SAMMSON: variants seen among roughly 807,000 people sequenced by gnomAD.
The protein encoded by SAMMSON is long intergenic non-protein coding RNA 1212.
chr3:70,011,530 G>T (rs2066955621), intron 1 of SAMMSON, among the ~76,000 whole-genome samples: 1 of 151,460 alleles, frequency 6.6e-6, no homozygotes, highest in African/African-American at 2.4e-5. Flanking sequence ...ACCCCTGAGT[G>T]CTTTCATTTA....
At position 70,095,690 on chromosome 3, in the gene SAMMSON, A is replaced by G. The variant is rs909870888; in HGVS notation, n.507+24125A>G. On this transcript the variant is annotated intron_variant and non_coding_transcript_variant, in intron 4 of 9. Transcript: ENST00000642114. ...AATATAGACAGTAATGGTTCTTAGGAGTTGTTTTGAGGGTTAAATAAGAAA... is the reference window on the plus strand; with the variant it reads ...AATATAGACAGTAATGGTTCTTAGGGGTTGTTTTGAGGGTTAAATAAGAAA... Among the ~76,000 whole-genome samples the G allele has an allele frequency of 7.9e-5, 12 of 152,048 alleles. 1 individual carries two copies.
chr3:70,119,840 GTAAC>G (rs1359911112), intron 4 of SAMMSON, among the ~76,000 whole-genome samples: 1 of 152,090 alleles, frequency 6.6e-6, no homozygotes, highest in Admixed American at 6.5e-5. Context: ...GCATATATAT[GTAAC>G]TAATACAAAC....
chr3:70,010,473 T>A (rs1412123561), intron 1 of SAMMSON, among the ~76,000 whole-genome samples: 2 of 152,186 alleles, frequency 1.3e-5, no homozygotes, highest in African/African-American at 4.8e-5. Flanking sequence ...TCTGCCTGTT[T>A]TTGTTTTCCT....
chr3:70,357,141 C>T (rs1258165660), intron 8 of SAMMSON, among the ~76,000 whole-genome samples: 8 of 152,022 alleles, frequency 5.3e-5, no homozygotes, highest in African/African-American at 7.2e-5. Context: ...TTTTAGGATG[C>T]ATTCTAATGG....
At chr3:70,161,744 T>C (rs2067616442) in intron 4 of SAMMSON, among the ~76,000 whole-genome samples, 1 of 152,028 alleles carries the variant, frequency 6.6e-6, no homozygotes, top group Non-Finnish European at 1.5e-5. Context: ...AGAGTATTGA[T>C]ATTATTGCTC....
chr3:70,126,780 G>A, intron 4 of SAMMSON: 1 of 192,302 alleles, frequency 5.2e-6, no homozygotes, highest in South Asian at 1.0e-4. Flanking sequence ...CAGTGGCACA[G>A]TCTCTACACA....
At chr3:70,174,330 A>G (rs1469010829) in intron 4 of SAMMSON, among the ~76,000 whole-genome samples, 1 of 152,000 alleles carries the variant, frequency 6.6e-6, no homozygotes, top group Non-Finnish European at 1.5e-5. Context: ...ATGTTGATAT[A>G]TTTTTAAGTA....
intron 4 of SAMMSON, among the ~76,000 whole-genome samples, chr3:70,132,780 A>G (rs1362606186): frequency 1.8e-5 from 2 of 113,010 alleles, no homozygotes; most frequent in East Asian, 4.7e-4. Context: ...TAAAAAAAAA[A>G]AAAAGAAAAG....
chr3:70,051,083 C>T (rs959086203), intron 3 of SAMMSON, among the ~76,000 whole-genome samples: 1 of 121,090 alleles, frequency 8.3e-6, no homozygotes, highest in Admixed American at 1.1e-4. Context: ...TGGAGTGAGC[C>T]AAGATTGCAC....
intron 3 of SAMMSON, among the ~76,000 whole-genome samples, chr3:70,017,831 A>C (rs1040212880): frequency 6.6e-6 from 1 of 152,100 alleles, no homozygotes; most frequent in African/African-American, 2.4e-5. Flanking sequence ...TTCTTCATCT[A>C]TTGAGATAAT....
chr3:70,160,312 T>C (rs1316707975), intron 4 of SAMMSON, among the ~76,000 whole-genome samples: 2 of 152,082 alleles, frequency 1.3e-5, no homozygotes, highest in East Asian at 3.9e-4. Flanking sequence ...ATTGAGATAA[T>C]ATTTGCATGT....
intron 4 of SAMMSON, among the ~76,000 whole-genome samples, chr3:70,227,699 T>C (rs1210986008): frequency 6.6e-6 from 1 of 152,208 alleles, no homozygotes; most frequent in Non-Finnish European, 1.5e-5. Flanking sequence ...TGCCAGATAG[T>C]GTTCTGAGGC....
chr3:70,300,289 A>T (rs1401304229), intron 7 of SAMMSON, among the ~76,000 whole-genome samples: 1 of 152,118 alleles, frequency 6.6e-6, no homozygotes, highest in Non-Finnish European at 1.5e-5. Flanking sequence ...CTTTATTTAA[A>T]TCTATTGATT....
chr3:70,047,640 T>TTCAAA (rs1378943114), intron 3 of SAMMSON, among the ~76,000 whole-genome samples: 1 of 152,092 alleles, frequency 6.6e-6, no homozygotes, highest in African/African-American at 2.4e-5. Flanking sequence ...CTCAAGTATC[T>TTCAAA]TCAAATTGTG....
intron 4 of SAMMSON, among the ~76,000 whole-genome samples, chr3:70,151,525 G>A (rs1296092822): frequency 2.0e-5 from 3 of 151,948 alleles, no homozygotes; most frequent in African/African-American, 7.2e-5. Flanking sequence ...CTTTGCCTCA[G>A]TCTCTAAGAA....
At chr3:70,400,330 C>T (rs955253399) in intron 2 of SAMMSON, among the ~76,000 whole-genome samples, 4 of 152,120 alleles carry the variant, frequency 2.6e-5, no homozygotes, top group South Asian at 2.1e-4. Flanking sequence ...CCCTCATGAA[C>T]GGATCAATGC....
intron 4 of SAMMSON, among the ~76,000 whole-genome samples, chr3:70,237,450 T>C (rs769380846): frequency 3.0e-4 from 46 of 152,194 alleles, no homozygotes; most frequent in Non-Finnish European, 5.3e-4. Context: ...TCCGATTCCT[T>C]TCAGTGAAAC....
chr3:70,257,312 T>A (rs942156218), intron 6 of SAMMSON, among the ~76,000 whole-genome samples: 2 of 152,188 alleles, frequency 1.3e-5, no homozygotes, highest in African/African-American at 4.8e-5. Context: ...AATGGAGATA[T>A]TGGGGAAGAA....
chr3:70,406,207 A>G (rs186704822), intron 2 of SAMMSON, among the ~76,000 whole-genome samples: 1 of 152,358 alleles, frequency 6.6e-6, no homozygotes. Context: ...ATACAAGGAA[A>G]CAAAAGTAAG....
Sources: allele counts gnomAD v4.1 joint callset (sites outside exome capture counted in the v4.1 genomes callset), GRCh38; gene constraint gnomAD v4.1.1; transcripts MANE v1.5; gene names NCBI Gene and HGNC (gene_info 2026-07-23, HGNC 2026-07-21).